Variants in TRIM41 observed in about 807,000 individuals in gnomAD.
TRIM41 encodes tripartite motif containing 41, also known as E3 ubiquitin-protein ligase TRIM41.
TRIM41 carries 21 observed loss-of-function variants against 60.6 expected under a neutral mutation model. The observed-to-expected ratio is 0.35, with a 90% CI of 0.25 to 0.50. TRIM41 has a LOEUF of 0.50. TRIM41 is among the 20% of genes least tolerant of loss of function. The pLI, the probability that TRIM41 is intolerant of heterozygous loss-of-function variation, is 0.98. For synonymous variants in TRIM41, 407 were observed against 344.9 expected, an observed-to-expected ratio of 1.18 and a Z score of -2.00; for missense variants, 846 against 868.3, an observed-to-expected ratio of 0.97 and a Z score of 0.32.
chr5:181,234,862 T>TC lies in TRIM41; in HGVS notation c.*88dup. ...CCCGTAAGTTTGAGGGCTCAAAGGC[T>TC]CTTCCCACTGCTTGTTACTGTGTTG... On this transcript the variant is annotated 3_prime_UTR_variant, in exon 6 of 6. Transcript: ENST00000315073. This position sits in a 1 kb window ranked among gnomAD's most constrained non-coding sequence, Gnocchi z 5.6. The TC allele has an allele frequency of 6.2e-7, 1 of 1,610,878 alleles. No individual in the cohort carries two copies. The highest frequency in any genetic ancestry group is 8.5e-7 in the Non-Finnish European group (1 of 1,179,356).
In TRIM41 at chr5:181,234,910, A is replaced by AG. The variant is rs35761564; in HGVS notation, c.*137dup. ...TTGCTTCCCACTCCCCCTTGACCCC[A>AG]GGCCCCTGCTTCTCCCTCTAGGAGC... is the stretch of plus-strand genomic sequence containing the variant. On this transcript the variant is annotated 3_prime_UTR_variant, in exon 6 of 6. Transcript: ENST00000315073. The surrounding 1 kb of genome is among the most constrained non-coding windows in gnomAD (Gnocchi z 5.6). 1.2e-6 allele frequency: 2 copies of AG among 1,612,960 alleles called. No individual in the cohort carries two copies. The highest frequency in any genetic ancestry group is 2.7e-5 in the African/African-American group (2 of 74,796).
chr5:181,230,750 C>T lies in TRIM41; in HGVS notation c.820C>T (p.Leu274=), dbSNP rs1445401986. ...EEVVQEYKAK[L]QGHVEPLRKH... is the part of the protein sequence containing the mutation. ...TCTTTTTCTGTTTCCTCAGGCCAAA[C>T]TGCAGGGGCACGTGGAACCACTGAG... Residue 274 remains leucine (L), a synonymous_variant, in exon 2 of 6, where the codon CTG becomes TTG. Coordinates refer to ENST00000315073, the MANE Select transcript of TRIM41 (RefSeq NM_033549.5). The T allele has an allele frequency of 1.9e-6, 3 of 1,613,024 alleles. No individual in the cohort carries two copies. The South Asian group carries it at 3.3e-5, about 18-fold the overall frequency.
In TRIM41 at chr5:181,223,339, A is replaced by G; in HGVS notation, c.-661A>G. The stretch of plus-strand genomic sequence containing the variant: ...CAGTCGGCTGTGCCGGGAGGGTAGG[A>G]TGGCGTCTGGCCGATGCGGTGATAG... On this transcript the variant is annotated 5_prime_UTR_variant, in exon 1 of 6. It removes an upstream start codon present in the reference 5' UTR. Coordinates refer to ENST00000315073, the MANE Select transcript of TRIM41 (RefSeq NM_033549.5). The G allele has an allele frequency of 7.5e-6, 3 of 399,506 alleles. No individual in the cohort carries two copies. The allele number at this position is 399,506 out of a possible 1,614,324, so 24.7% of individuals were successfully genotyped here. A position where few individuals can be genotyped will look rare whatever the true frequency, so the allele number is the denominator to read the frequency against.
Position 181,233,734 on chromosome 5 carries a change from T to C in TRIM41, c.1262T>C (p.Met421Thr). The C allele has an allele frequency of 1.2e-6, 2 of 1,614,044 alleles. No individual in the cohort carries two copies. The highest frequency in any genetic ancestry group is 1.6e-4 in the Middle Eastern group (1 of 6,062). The change falls in exon 5 of 6, where the codon ATG (methionine) becomes ACG (threonine). Residue 421 changes from methionine (M) to threonine (T), a missense_variant. Transcript: ENST00000315073. This position sits in a 1 kb window ranked among gnomAD's most constrained non-coding sequence, Gnocchi z 4.1. ...CTGACAGATGCCATCGTGAGGAAAA[T>C]GAGCCGGATGTTCTGTCAGGCTGCG... is the stretch of plus-strand genomic sequence containing the variant. Reference protein sequence around the residue: ...DFLTDAIVRKMSRMFCQAARV... With the variant: ...DFLTDAIVRKTSRMFCQAARV...
In TRIM41 at chr5:181,223,874, T is replaced by A. The variant is rs1758407242; in HGVS notation, c.-126T>A. The A allele has an allele frequency of 1.1e-6, 1 of 939,884 alleles. No individual in the cohort carries two copies. The highest frequency in any genetic ancestry group is 1.6e-6 in the Non-Finnish European group (1 of 638,318). 58.2% of individuals were successfully genotyped at this position (939,884 alleles called of 1,614,324 possible). On this transcript the variant is annotated 5_prime_UTR_variant, in exon 1 of 6. Coordinates refer to ENST00000315073, the MANE Select transcript of TRIM41 (RefSeq NM_033549.5). The stretch of plus-strand genomic sequence containing the variant: ...GTTGTCGGCAGGACATCTCTCTGGC[T>A]GCTCTTGGGGCGAGGTGTGGAGGGG...
In TRIM41 at chr5:181,235,088, T is replaced by G. The variant is rs750288238; in HGVS notation, c.*313T>G. On this transcript the variant is annotated 3_prime_UTR_variant, in exon 6 of 6. Coordinates refer to ENST00000315073, the MANE Select transcript of TRIM41 (RefSeq NM_033549.5). Reference sequence around the variant, plus strand: ...CTGGGACTGGAATTTGAGTAGGGGATGAGGGGAAATTGTAATTTCATTCCT... The same window carrying G: ...CTGGGACTGGAATTTGAGTAGGGGAGGAGGGGAAATTGTAATTTCATTCCT... The G allele has an allele frequency of 4.3e-5, 69 of 1,607,098 alleles. No homozygotes were observed. Among genetic ancestry groups the G allele is most frequent in the Non-Finnish European group, 5.7e-5 (67 of 1,177,376 alleles).
rs1758955361 is a variant in TRIM41, at chr5:181,234,245, C to G, written c.1363C>G (p.Leu455Val). Residue 455 changes from leucine (L) to valine (V), a missense_variant, in exon 6 of 6, where the codon CTG becomes GTG. Transcript: ENST00000315073. The surrounding 1 kb of genome is among the most constrained non-coding windows in gnomAD (Gnocchi z 5.6). ...MLSPDRRGVR[L>V]AERRQEVADH... ...GTCCCCTGACCGCCGGGGGGTCCGC[C>G]TGGCAGAGCGGCGGCAGGAGGTTGC... is the stretch of plus-strand genomic sequence containing the variant. 1.2e-6 allele frequency: 2 copies of G among 1,613,218 alleles called. No homozygotes were observed. Among genetic ancestry groups the G allele is most frequent in the African/African-American group, 1.3e-5 (1 of 74,932 alleles).
intron 1 of TRIM41, chr5:181,225,300 A>T (rs974842615): frequency 1.1e-5 from 2 of 185,608 alleles, no homozygotes; most frequent in Admixed American, 5.3e-5. Flanking sequence ...TTCTGTCTTC[A>T]AGGACTTTGG....
At position 181,224,969 on chromosome 5, in the gene TRIM41, A is replaced by G. The variant is rs144292902; in HGVS notation, c.813+157A>G. Reference sequence around the variant, plus strand: ...TAAGCACTTACTGCCACCAAGGTGGATTAGAATGAGAAGGATTCTGTACAC... The same window carrying G: ...TAAGCACTTACTGCCACCAAGGTGGGTTAGAATGAGAAGGATTCTGTACAC... On this transcript the variant is annotated intron_variant, in intron 1 of 5. Coordinates refer to ENST00000315073, the MANE Select transcript of TRIM41 (RefSeq NM_033549.5). 3.3e-4 allele frequency: 288 copies of G among 874,142 alleles called. No homozygotes were observed. In the African/African-American group the frequency reaches 4.2e-3, roughly 13 times the overall value. The allele number at this position is 874,142 out of a possible 1,614,324, so 54.1% of individuals were successfully genotyped here.
chr5:181,233,600 CGTG>C lies in TRIM41; in HGVS notation c.1164-33_1164-31del. The stretch of plus-strand genomic sequence containing the variant: ...CTTTTGCTTTTCCCTCTGGGAATAT[CGTG>C]GTCCCACCCCCTGCCCGGTCCCCTT... On this transcript the variant is annotated intron_variant, in intron 4 of 5. Transcript: ENST00000315073. The surrounding 1 kb of genome is among the most constrained non-coding windows in gnomAD (Gnocchi z 4.1). The C allele has an allele frequency of 6.2e-7, 1 of 1,612,474 alleles. No homozygotes were observed. Among genetic ancestry groups the C allele is most frequent in the Non-Finnish European group, 8.5e-7 (1 of 1,178,834 alleles).
chr5:181,235,129 C>T lies in TRIM41; in HGVS notation c.*354C>T, dbSNP rs746947156. 197 of 1,569,354 alleles carry T rather than the reference C, an allele frequency of 1.3e-4. No homozygotes were observed. The highest frequency in any genetic ancestry group is 1.6e-4 in the Non-Finnish European group (191 of 1,158,102). On this transcript the variant is annotated 3_prime_UTR_variant, in exon 6 of 6. Coordinates refer to ENST00000315073, the MANE Select transcript of TRIM41 (RefSeq NM_033549.5). Reference sequence around the variant, plus strand: ...TTTCATTCCTTAACTTCCTTTTCCCCACCCCTGCTCTTCAACCTCTTTATC... The same window carrying T: ...TTTCATTCCTTAACTTCCTTTTCCCTACCCCTGCTCTTCAACCTCTTTATC...
At position 181,224,013 on chromosome 5, in the gene TRIM41, C is replaced by T. The variant is rs1472752739; in HGVS notation, c.14C>T (p.Ala5Val). The change falls in exon 1 of 6, where the codon GCC becomes GTC. Residue 5 changes from alanine (A) to valine (V), a missense_variant. By Grantham distance (64) the Ala-to-Val change is moderately conservative. Coordinates refer to ENST00000315073, the MANE Select transcript of TRIM41 (RefSeq NM_033549.5). ...CTGGACACTAAGATGGCTGCCGTTG[C>T]CATGACACCCAACCCTGTGCAGACC... Reference protein sequence around the residue: MAAVAMTPNPVQTLQ... With the variant: MAAVVMTPNPVQTLQ... 1.5e-5 allele frequency: 24 copies of T among 1,611,538 alleles called. No individual in the cohort carries two copies. The highest frequency in any genetic ancestry group is 2.0e-5 in the Non-Finnish European group (23 of 1,178,110).
chr5:181,232,307 C>T, intron 2 of TRIM41: 1 of 267,398 alleles, frequency 3.7e-6, no homozygotes, highest in South Asian at 4.7e-5. Context: ...ATTATATGTG[C>T]CACAGAGAGA....
In TRIM41 at chr5:181,224,444, G is replaced by A. The variant is rs553465153; in HGVS notation, c.445G>A (p.Asp149Asn). 2 of 1,613,616 alleles carry A rather than the reference G, an allele frequency of 1.2e-6. No homozygotes were observed. Among genetic ancestry groups the A allele is most frequent in the South Asian group, 1.1e-5 (1 of 91,048 alleles). The change falls in exon 1 of 6, where the codon GAT becomes AAT. Residue 149 changes from aspartate to asparagine, a missense_variant. Asp to Asn is a conservative substitution (Grantham distance 23, BLOSUM62 1). Transcript: ENST00000315073. ...DMEEEDLRGEDEEDEEEVLEE... is the reference protein window; with the variant it reads ...DMEEEDLRGENEEDEEEVLEE... ...GGAGGAGGAGGACCTGAGGGGGGAGGATGAGGAGGACGAGGAGGAAGTGCT... is the reference window on the plus strand; with the variant it reads ...GGAGGAGGAGGACCTGAGGGGGGAGAATGAGGAGGACGAGGAGGAAGTGCT...
At position 181,224,697 on chromosome 5, in the gene TRIM41, C is replaced by T. The variant is rs1758466478; in HGVS notation, c.698C>T (p.Ala233Val). ...DQGICPKHQE[A>V]LKLFCEVDEE... ...GGCATCTGTCCCAAACACCAAGAAG[C>T]CCTGAAGCTCTTCTGCGAGGTAGAC... Residue 233 changes from alanine to valine, a missense_variant, in exon 1 of 6, where the codon GCC becomes GTC. Physicochemically the swap from Ala to Val is moderately conservative, Grantham distance 64 (BLOSUM62 0). Transcript: ENST00000315073. The T allele has an allele frequency of 1.2e-6, 2 of 1,614,124 alleles. No individual in the cohort carries two copies. The highest frequency in any genetic ancestry group is 1.7e-6 in the Non-Finnish European group (2 of 1,180,064).
Position 181,233,182 on chromosome 5 carries a change from T to C in TRIM41, c.1141-231T>C. 1.4e-6 allele frequency: 1 copy of C among 715,942 alleles called. No individual in the cohort carries two copies. The highest frequency in any genetic ancestry group is 2.5e-6 in the Non-Finnish European group (1 of 394,898). The allele number at this position is 715,942 out of a possible 1,614,324, so 44.3% of individuals were successfully genotyped here. On this transcript the variant is annotated intron_variant, in intron 3 of 5. Coordinates refer to ENST00000315073, the MANE Select transcript of TRIM41 (RefSeq NM_033549.5). This position sits in a 1 kb window ranked among gnomAD's most constrained non-coding sequence, Gnocchi z 4.1. ...CCTGAAAAAGGTGAGCAAGTCGTAT[T>C]GTGGAAATGACAGTATCCCTGGGCT... is the stretch of plus-strand genomic sequence containing the variant.
At chr5:181,224,995 A>G in intron 1 of TRIM41, 183 bp downstream of exon 1, 4 of 731,970 alleles carry the variant, frequency 5.5e-6, no homozygotes, top group Non-Finnish European at 8.8e-6. Flanking sequence ...TTCTGTACAC[A>G]GAGCAGATGC....
rs776938769 is a variant in TRIM41, at chr5:181,224,777, G to A, written c.778G>A (p.Val260Met). 15 of 1,614,088 alleles carry A rather than the reference G, an allele frequency of 9.3e-6. No individual in the cohort carries two copies. The Admixed American group carries it at 2.2e-4, about 23-fold the overall frequency. The stretch of plus-strand genomic sequence containing the variant: ...ATCCAGGAGCCACAAACAGCACAGC[G>A]TGGTGCCATTGGAGGAGGTGGTGCA... Reference protein sequence around the residue: ...RESRSHKQHSVVPLEEVVQEY... With the variant: ...RESRSHKQHSMVPLEEVVQEY... Residue 260 changes from valine to methionine, a missense_variant, in exon 1 of 6, where the codon GTG becomes ATG. Val to Met is a conservative substitution (Grantham distance 21, BLOSUM62 1). Coordinates refer to ENST00000315073, the MANE Select transcript of TRIM41 (RefSeq NM_033549.5).
chr5:181,230,848 A>G lies in TRIM41; in HGVS notation c.909+9A>G. The G allele has an allele frequency of 1.2e-6, 2 of 1,610,388 alleles. No homozygotes were observed. Among genetic ancestry groups the G allele is most frequent in the Non-Finnish European group, 1.7e-6 (2 of 1,177,280 alleles). The stretch of plus-strand genomic sequence containing the variant: ...GAGTGACAGAACTGAAGGTGGGTGA[A>G]TGTTCTCGACGGGGCTGATGGGCAG... On this transcript the variant is annotated intron_variant, in intron 2 of 5. Coordinates refer to ENST00000315073, the MANE Select transcript of TRIM41 (RefSeq NM_033549.5).
Sources: gnomAD v4.1 joint callset for allele counts on GRCh38, gnomAD v4.1.1 for gene constraint, Gnocchi (gnomAD v3.1) non-coding constraint, MANE v1.5 for transcripts, NCBI Gene and HGNC (gene_info 2026-07-23, HGNC 2026-07-21) for gene names.